FLYWCH1: variants seen among roughly 807,000 people sequenced by gnomAD.
The protein encoded by FLYWCH1 is FLYWCH-type zinc finger-containing protein 1.
FLYWCH1 carries 75 observed loss-of-function variants against 66.4 expected under a neutral mutation model. The ratio of observed to expected loss-of-function variants is 1.13; its 90% CI spans 0.94 to 1.37. The LOEUF (loss-of-function observed/expected upper bound fraction) is 1.37, where lower values mean the gene tolerates loss of function less well. Ranked by LOEUF, FLYWCH1 falls within the 40% of genes most tolerant of loss-of-function variation. The probability of loss-of-function intolerance (pLI) is 0.00; values close to 1 mark genes in which losing one functional copy is unlikely to be tolerated. For missense variants in FLYWCH1, 1,334 were observed against 1,001.8 expected (o/e 1.33, Z -4.48); for synonymous variants, 595 against 429.9 (o/e 1.38, Z -4.75).
In FLYWCH1 at chr16:2,948,766, G is replaced by A. The variant is rs756625678; in HGVS notation, c.*39G>A. 3 of 1,609,150 alleles carry A rather than the reference G, an allele frequency of 1.9e-6. No individual in the cohort carries two copies. The highest frequency in any genetic ancestry group is 2.6e-6 in the Non-Finnish European group (3 of 1,175,784). ...GAGGAGCTCCGAGCCGCCCACCCAAGGTGGCTTCACATCCACACAGGCACT... is the reference window on the plus strand; with the variant it reads ...GAGGAGCTCCGAGCCGCCCACCCAAAGTGGCTTCACATCCACACAGGCACT... On this transcript the variant is annotated 3_prime_UTR_variant, in exon 10 of 10. Transcript: ENST00000253928.
At chr16:2,934,843 C>G (rs142118314) in intron 6 of FLYWCH1, 3,423 of 298,964 alleles carry the variant, frequency 0.011, 49 homozygotes, top group Non-Finnish European at 0.018. Context: ...TGCCCTATTT[C>G]CTAAAATGTG....
intron 2 of FLYWCH1, among the ~76,000 whole-genome samples, chr16:2,919,198 C>T (rs756659267): frequency 3.9e-5 from 6 of 152,024 alleles, no homozygotes; most frequent in African/African-American, 9.7e-5. Flanking sequence ...GGATTACAGG[C>T]GTGAGCCACC....
chr16:2,938,497 C>T, intron 8 of FLYWCH1, 41 bp downstream of exon 8: 2 of 1,494,996 alleles, frequency 1.3e-6, no homozygotes, highest in Non-Finnish European at 1.8e-6. Context: ...CTGTGGGCAT[C>T]CTCATCTCTT....
At chr16:2,923,114 T>C (rs2070435557) in intron 2 of FLYWCH1, 1 of 403,914 alleles carries the variant, frequency 2.5e-6, no homozygotes, top group Non-Finnish European at 4.7e-6. Flanking sequence ...GTTGTGAGGT[T>C]CTTTTTTTGT....
At chr16:2,931,963 A>G (rs928166838) in intron 4 of FLYWCH1, among the ~76,000 whole-genome samples, 5 of 152,026 alleles carry the variant, frequency 3.3e-5, no homozygotes, top group African/African-American at 4.8e-5. Context: ...AAAATACAAA[A>G]AAAGATTAGC....
At chr16:2,927,777 C>T (rs1018730054) in intron 2 of FLYWCH1, among the ~76,000 whole-genome samples, 34 of 152,316 alleles carry the variant, frequency 2.2e-4, no homozygotes, top group African/African-American at 5.1e-4. Context: ...GGATATTTCT[C>T]GTCAGGTGGA....
At position 2,937,352 on chromosome 16, in the gene FLYWCH1, A is replaced by C; in HGVS notation, c.1745A>C (p.His582Pro). The C allele has an allele frequency of 1.3e-6, 2 of 1,590,234 alleles. No individual in the cohort carries two copies. Among genetic ancestry groups the C allele is most frequent in the Non-Finnish European group, 1.7e-6 (2 of 1,168,744 alleles). Residue 582 changes from histidine (H) to proline (P), a missense_variant, in exon 7 of 10, where the codon CAC (histidine) becomes CCC (proline). Physicochemically the swap from His to Pro is moderately conservative, Grantham distance 77. Transcript: ENST00000253928. ...GGLEALRQREHFPNLAQWDSP... is the reference protein window; with the variant it reads ...GGLEALRQREPFPNLAQWDSP... ...CTGGAGGCCCTGCGGCAGCGGGAGC[A>C]CTTCCCCAACCTGGCGCAGTGGGAC... is the stretch of plus-strand genomic sequence containing the variant.
At chr16:2,932,033 GC>G (rs1474916970) in intron 4 of FLYWCH1, among the ~76,000 whole-genome samples, 1 of 150,770 alleles carries the variant, frequency 6.6e-6, no homozygotes, top group Admixed American at 6.6e-5. Flanking sequence ...CAGGAGAATG[GC>G]GTGAACCCGG....
At chr16:2,927,344 G>A (rs2070606850) in intron 2 of FLYWCH1, among the ~76,000 whole-genome samples, 1 of 152,174 alleles carries the variant, frequency 6.6e-6, no homozygotes, top group African/African-American at 2.4e-5. Flanking sequence ...CCGGGGAAGG[G>A]GCTCCAGCAG....
intron 6 of FLYWCH1, chr16:2,934,775 C>T (rs959765492): frequency 7.3e-6 from 3 of 413,194 alleles, no homozygotes; most frequent in Admixed American, 5.5e-5. Context: ...CCCGCCTCGT[C>T]CTCACCCCCG....
chr16:2,919,542 G>T (rs2070294389), intron 2 of FLYWCH1, among the ~76,000 whole-genome samples: 1 of 152,112 alleles, frequency 6.6e-6, no homozygotes, highest in Non-Finnish European at 1.5e-5. Context: ...GGGATTACAG[G>T]CGTGAGCCAC....
chr16:2,933,773 TC>T lies in FLYWCH1; in HGVS notation c.1309del (p.Leu437SerfsTer35). 6.2e-7 allele frequency: 1 copy of T among 1,613,008 alleles called. No homozygotes were observed. Among genetic ancestry groups the T allele is most frequent in the Non-Finnish European group, 8.5e-7 (1 of 1,179,576 alleles). On this transcript the variant is annotated frameshift_variant, in exon 6 of 10. Transcript: ENST00000253928. LOFTEE classifies it high-confidence loss of function. Reference protein sequence around the residue: ...LGGSFLVYESFLYRREKAAGE... With the variant: ...LGGSFLVYESXLYRREKAAGE... Reference sequence around the variant, plus strand: ...GGCAGCTTCCTGGTGTACGAGTCCTTCCTCTACCGGCGGGAGAAGGCGGCTG... The same window carrying T: ...GGCAGCTTCCTGGTGTACGAGTCCTTCTCTACCGGCGGGAGAAGGCGGCTG...
rs150593042 is a variant in FLYWCH1 at position 2,929,511 on chromosome 16, C to T, written c.-73-102C>T. On this transcript the variant is annotated intron_variant, in intron 2 of 9. Transcript: ENST00000253928. ...GGCCCCCGGCCAGTCTTGGCCCCAG[C>T]GAGCAGTGAGGCAGCCCCATCTGCC... The T allele has an allele frequency of 3.0e-4, 236 of 797,368 alleles. No individual in the cohort carries two copies. In the African/African-American group the frequency reaches 3.4e-3, roughly 12 times the overall value. The allele number at this position is 797,368 out of a possible 1,614,324, so 49.4% of individuals were successfully genotyped here.
intron 4 of FLYWCH1, 125 bp from the exon 5 acceptor site, chr16:2,933,005 G>T (rs912846744): frequency 1.4e-5 from 12 of 836,044 alleles, no homozygotes; most frequent in Non-Finnish European, 2.2e-5. Context: ...TCTGGCTCAG[G>T]AAGCCAGGGT....
chr16:2,935,094 TG>T (rs1478440599), intron 6 of FLYWCH1: 2 of 153,534 alleles, frequency 1.3e-5, no homozygotes, highest in Non-Finnish European at 2.9e-5. Context: ...CAGCTATTTT[TG>T]TATATTTAGC....
At chr16:2,935,103 A>G (rs905467306) in intron 6 of FLYWCH1, 2 of 153,204 alleles carry the variant, frequency 1.3e-5, no homozygotes, top group Non-Finnish European at 2.9e-5. Context: ...TTGTATATTT[A>G]GCAGAGACAG....
intron 9 of FLYWCH1, among the ~76,000 whole-genome samples, chr16:2,940,507 C>T (rs2071216113): frequency 6.6e-6 from 1 of 152,200 alleles, no homozygotes; most frequent in Non-Finnish European, 1.5e-5. Context: ...ATGATCTCAG[C>T]TCACTGCAAA....
chr16:2,938,584 A>G, intron 8 of FLYWCH1, 128 bp downstream of exon 8: 1 of 810,826 alleles, frequency 1.2e-6, no homozygotes, highest in Non-Finnish European at 1.7e-6. Flanking sequence ...TATTCATATA[A>G]ACAGAATGTG....
At chr16:2,931,027 G>T (rs537731403) in intron 4 of FLYWCH1, 147 bp downstream of exon 4, 1 of 716,282 alleles carries the variant, frequency 1.4e-6, no homozygotes. Context: ...AAATGTGGCC[G>T]GGCACAGTGG....
Sources: allele counts gnomAD v4.1 joint callset (sites outside exome capture counted in the v4.1 genomes callset), GRCh38; gene constraint gnomAD v4.1.1; transcripts MANE v1.5; gene names NCBI Gene and HGNC (gene_info 2026-07-23, HGNC 2026-07-21).